The following PARM1 variants were observed in gnomAD, a reference collection of about 807,000 sequenced individuals.
PARM1 encodes the protein WSC4, cell wall integrity and stress response component 4 homolog.
In PARM1, 14 loss-of-function variants were observed where a neutral mutation model predicts 24.6. The observed-to-expected ratio is 0.57, with a 90% CI of 0.38 to 0.89. The LOEUF is 0.89. Among genes scored for constraint, PARM1 ranks in the 40% least tolerant of loss-of-function variants. The pLI is 0.00. For missense variants in PARM1, 362 were observed against 380.4 expected (o/e 0.95, Z 0.40); for synonymous variants, 179 against 156.6 (o/e 1.14, Z -1.07).
At chr4:75,020,594 C>T (rs1028240436) in intron 2 of PARM1, among the ~76,000 whole-genome samples, 2 of 152,112 alleles carry the variant, frequency 1.3e-5, no homozygotes, top group African/African-American at 4.8e-5. Flanking sequence ...CTTACTACCA[C>T]CACCATCTCA....
chr4:75,013,043 C>T lies in PARM1; in HGVS notation c.662C>T (p.Pro221Leu), dbSNP rs371960515. The T allele has an allele frequency of 7.4e-6, 12 of 1,613,824 alleles. No homozygotes were observed. Among genetic ancestry groups the T allele is most frequent in the Non-Finnish European group, 8.5e-6 (10 of 1,179,872 alleles). The stretch of plus-strand genomic sequence containing the variant: ...GAGCCAGTACCCCAGGAGAAAACAC[C>T]CCCAACAACTGTGTCAGGCAAAGTG... Reference protein sequence around the residue: ...TAEPVPQEKTPPTTVSGKVMC... With the variant: ...TAEPVPQEKTLPTTVSGKVMC... Residue 221 changes from proline (P) to leucine (L), a missense_variant, in exon 2 of 4, where the codon CCC (proline) becomes CTC (leucine). Physicochemically the swap from Pro to Leu is moderately conservative, Grantham distance 98. Coordinates refer to ENST00000307428, the MANE Select transcript of PARM1 (RefSeq NM_015393.4).
intron 1 of PARM1, among the ~76,000 whole-genome samples, chr4:74,957,604 C>T (rs904555102): frequency 6.6e-6 from 1 of 152,132 alleles, no homozygotes; most frequent in African/African-American, 2.4e-5. Context: ...CAGAAGCAAA[C>T]AGATGATTCA....
intron 1 of PARM1, among the ~76,000 whole-genome samples, chr4:74,949,879 AAG>A (rs2109984197): frequency 6.6e-6 from 1 of 152,070 alleles, no homozygotes; most frequent in African/African-American, 2.4e-5. Context: ...GCAACAGAAA[AAG>A]AGTGACAAAG....
At chr4:74,935,001 T>TTC (rs1553967194) in intron 1 of PARM1, among the ~76,000 whole-genome samples, 2 of 148,318 alleles carry the variant, frequency 1.3e-5, no homozygotes, top group Non-Finnish European at 3.0e-5. Flanking sequence ...TTTTTCTTTT[T>TTC]TTTTTTTTTC....
rs916847940 is a variant in PARM1, at chr4:74,956,999, G to A, written c.43+23629G>A. ...AGTGGTGGAGGAGCAGCTCAGACAA[G>A]TTCTCATTACAGATGTGCCAAGAAC... On this transcript the variant is annotated intron_variant, in intron 1 of 3. Transcript: ENST00000307428. The A allele has an allele frequency of 2.6e-5, 4 of 152,236 alleles. No homozygotes were observed. In the East Asian group the frequency reaches 5.8e-4, roughly 22 times the overall value. The allele number at this position is 152,236 out of a possible 1,614,324, so 9.4% of individuals were successfully genotyped here. A position where few individuals can be genotyped will look rare whatever the true frequency, so the allele number is the denominator to read the frequency against.
intron 1 of PARM1, among the ~76,000 whole-genome samples, chr4:75,002,741 A>G (rs1215812031): frequency 6.6e-6 from 1 of 152,158 alleles, no homozygotes; most frequent in Non-Finnish European, 1.5e-5. Context: ...GACTGCCACC[A>G]AAGCTGCCCA....
intron 1 of PARM1, among the ~76,000 whole-genome samples, chr4:74,998,822 G>A (rs1284717580): frequency 6.6e-6 from 1 of 152,128 alleles, no homozygotes; most frequent in East Asian, 1.9e-4. Flanking sequence ...CCCTCGGATT[G>A]CCTGCCTATC....
At chr4:74,961,066 T>C (rs1247801138) in intron 1 of PARM1, among the ~76,000 whole-genome samples, 1 of 149,520 alleles carries the variant, frequency 6.7e-6, no homozygotes, top group Non-Finnish European at 1.5e-5. Flanking sequence ...AAGGAAACAA[T>C]GTATGAACAA....
At chr4:75,042,750 C>T (rs768395799) in intron 3 of PARM1, among the ~76,000 whole-genome samples, 4 of 152,054 alleles carry the variant, frequency 2.6e-5, no homozygotes, top group African/African-American at 4.8e-5. Context: ...TTGTCTTACT[C>T]TTACTACAAT....
At chr4:75,045,547 G>A (rs965508316) in intron 3 of PARM1, among the ~76,000 whole-genome samples, 5 of 152,214 alleles carry the variant, frequency 3.3e-5, no homozygotes, top group African/African-American at 1.2e-4. Flanking sequence ...GCTGGATTTA[G>A]ATAATGGAGA....
At chr4:74,978,737 A>G (rs1722187123) in intron 1 of PARM1, among the ~76,000 whole-genome samples, 1 of 151,788 alleles carries the variant, frequency 6.6e-6, no homozygotes, top group Admixed American at 6.6e-5. Context: ...AGCAAATGCA[A>G]AAGAACTGAC....
rs1722887424 is a variant in PARM1, at chr4:75,012,449, C to T, written c.68C>T (p.Thr23Ile). ...TAGWRVQSLP[T>I]SAPLSVSLPT... Reference sequence around the variant, plus strand: ...GGATGGAGGGTACAGAGTCTGCCTACATCAGCTCCTTTGTCTGTTTCTCTT... The same window carrying T: ...GGATGGAGGGTACAGAGTCTGCCTATATCAGCTCCTTTGTCTGTTTCTCTT... The change falls in exon 2 of 4, where the codon ACA (threonine) becomes ATA (isoleucine). Residue 23 changes from threonine (T) to isoleucine (I), a missense_variant. By Grantham distance (89) the Thr-to-Ile change is moderately conservative. Transcript: ENST00000307428. 1 of 1,613,918 alleles carries T rather than the reference C, an allele frequency of 6.2e-7. No individual in the cohort carries two copies. Among genetic ancestry groups the T allele is most frequent in the Non-Finnish European group, 8.5e-7 (1 of 1,179,850 alleles).
chr4:75,029,920 T>C (rs1723245727), intron 2 of PARM1, among the ~76,000 whole-genome samples: 1 of 152,092 alleles, frequency 6.6e-6, no homozygotes, highest in Non-Finnish European at 1.5e-5. Context: ...GCTAAAAGTA[T>C]ATTTGTTTAT....
At chr4:75,012,224 C>T (rs752558635) in intron 1 of PARM1, among the ~76,000 whole-genome samples, 13 of 152,082 alleles carry the variant, frequency 8.5e-5, no homozygotes, top group African/African-American at 1.2e-4. Context: ...GAGTTTCGGG[C>T]GAGTTCCTAC....
Position 74,989,539 on chromosome 4 carries a change from T to C in PARM1, c.44-22886T>C, listed in dbSNP as rs1436264188. ...GGCAGCCACCCTCCAGGGACCTCCC[T>C]GTGTTCAGCTATCAGGAAGGTCCTC... On this transcript the variant is annotated intron_variant, in intron 1 of 3. Coordinates refer to ENST00000307428, the MANE Select transcript of PARM1 (RefSeq NM_015393.4). Among the ~76,000 whole-genome samples, 7 of 152,308 alleles carry C rather than the reference T, an allele frequency of 4.6e-5. No individual in the cohort carries two copies. In the East Asian group the frequency reaches 1.4e-3, roughly 29 times the overall value.
intron 1 of PARM1, among the ~76,000 whole-genome samples, chr4:75,006,995 C>A (rs1389596885): frequency 1.3e-5 from 2 of 152,098 alleles, no homozygotes; most frequent in Non-Finnish European, 2.9e-5. Flanking sequence ...GGCTAATATC[C>A]AGAATCTACA....
chr4:75,040,321 T>A (rs905243104), intron 3 of PARM1, among the ~76,000 whole-genome samples: 9 of 152,326 alleles, frequency 5.9e-5, no homozygotes, highest in African/African-American at 1.9e-4. Context: ...CTTCCAATAG[T>A]AATGCCATCT....
At chr4:74,983,328 A>AG (rs1722294225) in intron 1 of PARM1, among the ~76,000 whole-genome samples, 1 of 152,164 alleles carries the variant, frequency 6.6e-6, no homozygotes, top group African/African-American at 2.4e-5. Flanking sequence ...AACTATTTTG[A>AG]GGGGGAGATC....
At chr4:74,962,631 G>T (rs934895459) in intron 1 of PARM1, among the ~76,000 whole-genome samples, 2 of 152,194 alleles carry the variant, frequency 1.3e-5, no homozygotes, top group African/African-American at 4.8e-5. Flanking sequence ...GCAAACAAGA[G>T]AGCAGGGGTG....
Sources: gnomAD v4.1 joint callset for allele counts (sites outside exome capture counted in the v4.1 genomes callset) on GRCh38, gnomAD v4.1.1 for gene constraint, MANE v1.5 for transcripts, NCBI Gene and HGNC (gene_info 2026-07-23, HGNC 2026-07-21) for gene names.